The following RPS6KC1 variants were observed in gnomAD, a reference collection of about 807,000 sequenced individuals.
RPS6KC1 encodes inactive ribosomal protein S6 kinase delta-1.
Under a neutral mutation model 103.8 loss-of-function variants are expected in RPS6KC1, and 54 were observed. That is an observed-to-expected ratio of 0.52 (90% CI 0.42 to 0.65). The LOEUF (loss-of-function observed/expected upper bound fraction) is 0.65, where lower values mean the gene tolerates loss of function less well. RPS6KC1 is among the 30% of genes least tolerant of loss of function. The pLI is 0.00. For missense variants in RPS6KC1, 1,151 were observed against 1,253.8 expected, an observed-to-expected ratio of 0.92 and a Z score of 1.24; for synonymous variants, 439 against 438.7, an observed-to-expected ratio of 1.00 and a Z score of -0.01.
intron 3 of RPS6KC1, among the ~76,000 whole-genome samples, chr1:213,093,131 G>T (rs1157926820): frequency 2.0e-5 from 3 of 151,228 alleles, no homozygotes; most frequent in African/African-American, 4.9e-5. Context: ...CCGTTCATTT[G>T]TAATGTTTGA....
the RPS6KC1 span, among the ~76,000 whole-genome samples, chr1:213,416,360 A>G: frequency 5.3e-5 from 8 of 152,344 alleles, no homozygotes; most frequent in African/African-American, 1.9e-4. Context: ...GTAACAGAGA[A>G]AGTGATCTCT....
the RPS6KC1 span, among the ~76,000 whole-genome samples, chr1:213,569,260 A>G: frequency 6.6e-6 from 1 of 152,102 alleles, no homozygotes; most frequent in Non-Finnish European, 1.5e-5. Flanking sequence ...GCTCTCCCTT[A>G]GGTCTGTCAT....
chr1:213,117,459 A>C, intron 5 of RPS6KC1, 49 bp downstream of exon 5: 1 of 1,052,374 alleles, frequency 9.5e-7, no homozygotes, highest in African/African-American at 1.6e-5. Flanking sequence ...ATTACAGAAG[A>C]CTATAAATCA....
chr1:213,328,504 C>CCATA, the RPS6KC1 span, among the ~76,000 whole-genome samples: 1 of 101,446 alleles, frequency 9.9e-6, no homozygotes, highest in Non-Finnish European at 2.1e-5. Flanking sequence ...AGCCATTATA[C>CCATA]TATATATATA....
chr1:213,436,337 A>C, the RPS6KC1 span, among the ~76,000 whole-genome samples: 1 of 152,216 alleles, frequency 6.6e-6, no homozygotes, highest in Non-Finnish European at 1.5e-5. Context: ...AAACATTTTC[A>C]TCCCTATAGA....
At chr1:213,229,946 T>C (rs1001410985) in intron 8 of RPS6KC1, among the ~76,000 whole-genome samples, 6 of 152,164 alleles carry the variant, frequency 3.9e-5, no homozygotes, top group Non-Finnish European at 8.8e-5. Flanking sequence ...GTAATAACTG[T>C]GGAAGTGGTA....
the RPS6KC1 span, among the ~76,000 whole-genome samples, chr1:213,589,730 C>T: frequency 2.2e-4 from 33 of 152,098 alleles, no homozygotes; most frequent in African/African-American, 8.0e-4. Context: ...ATCATGTTTC[C>T]CATACATTGT....
At chr1:213,399,844 C>G in the RPS6KC1 span, among the ~76,000 whole-genome samples, 1 of 152,130 alleles carries the variant, frequency 6.6e-6, no homozygotes, top group African/African-American at 2.4e-5. Flanking sequence ...TTCAGGCCCT[C>G]TACCTTTGTA....
the RPS6KC1 span, among the ~76,000 whole-genome samples, chr1:213,547,872 C>G: frequency 6.6e-6 from 1 of 152,180 alleles, no homozygotes; most frequent in South Asian, 2.1e-4. Flanking sequence ...CCAAACAAAT[C>G]TCATTTCTTT....
At chr1:213,509,333 G>C in the RPS6KC1 span, among the ~76,000 whole-genome samples, 1 of 151,692 alleles carries the variant, frequency 6.6e-6, no homozygotes, top group Non-Finnish European at 1.5e-5. Context: ...AAGAAAGAGA[G>C]TTGATCCTTT....
the RPS6KC1 span, among the ~76,000 whole-genome samples, chr1:213,767,466 T>G: frequency 6.6e-6 from 1 of 152,156 alleles, no homozygotes; most frequent in African/African-American, 2.4e-5. Flanking sequence ...CTACCAAGCC[T>G]GCAAACCCAG....
At chr1:213,747,231 GA>G in the RPS6KC1 span, among the ~76,000 whole-genome samples, 1 of 152,112 alleles carries the variant, frequency 6.6e-6, no homozygotes, top group African/African-American at 2.4e-5. Context: ...GCCAGGTAAA[GA>G]AACATATCAC....
At chr1:213,513,289 CTTG>C in the RPS6KC1 span, among the ~76,000 whole-genome samples, 2 of 152,282 alleles carry the variant, frequency 1.3e-5, no homozygotes, top group East Asian at 3.9e-4. Flanking sequence ...CTGCTAACAC[CTTG>C]TTGTTAGCCC....
At chr1:213,822,863 G>T in the RPS6KC1 span, among the ~76,000 whole-genome samples, 1 of 152,104 alleles carries the variant, frequency 6.6e-6, no homozygotes, top group Non-Finnish European at 1.5e-5. Flanking sequence ...ATCCTAACTG[G>T]TTTCTGCTTC....
the RPS6KC1 span, among the ~76,000 whole-genome samples, chr1:213,738,517 G>C: frequency 1.3e-5 from 2 of 151,944 alleles, no homozygotes; most frequent in Non-Finnish European, 2.9e-5. Flanking sequence ...TGAGAAGCTG[G>C]GGAAATCAGA....
chr1:213,451,419 T>A, the RPS6KC1 span, among the ~76,000 whole-genome samples: 4 of 152,220 alleles, frequency 2.6e-5, no homozygotes, highest in African/African-American at 9.6e-5. Flanking sequence ...ATTCCAGGCC[T>A]GAAGGACATG....
At chr1:213,691,890 C>T in the RPS6KC1 span, among the ~76,000 whole-genome samples, 13 of 152,138 alleles carry the variant, frequency 8.5e-5, no homozygotes, top group African/African-American at 2.9e-4. Flanking sequence ...CCCAAAGGGG[C>T]AGGAAGGCTC....
At chr1:213,636,102 C>T in the RPS6KC1 span, among the ~76,000 whole-genome samples, 1 of 152,100 alleles carries the variant, frequency 6.6e-6, no homozygotes, top group Non-Finnish European at 1.5e-5. Context: ...CAAACCACTG[C>T]TCAAGGAAAT....
the RPS6KC1 span, among the ~76,000 whole-genome samples, chr1:213,751,182 G>A: frequency 6.6e-5 from 10 of 152,092 alleles, no homozygotes; most frequent in Non-Finnish European, 1.3e-4. Flanking sequence ...GCCTGTGGTG[G>A]TATAATGAGT....
Sources: gnomAD v4.1 joint callset for allele counts (sites outside exome capture counted in the v4.1 genomes callset) on GRCh38, gnomAD v4.1.1 for gene constraint, MANE v1.5 for transcripts, NCBI Gene and HGNC (gene_info 2026-07-23, HGNC 2026-07-21) for gene names.